FHIP1A: variants seen among roughly 807,000 people sequenced by gnomAD.
FHIP1A encodes FHF complex subunit HOOK-interacting protein 1A.
FHIP1A carries 61 observed loss-of-function variants against 88.6 expected under a neutral mutation model. The ratio of observed to expected loss-of-function variants is 0.69; its 90% CI spans 0.56 to 0.85. The LOEUF (loss-of-function observed/expected upper bound fraction) is 0.85, where lower values mean the gene tolerates loss of function less well. FHIP1A is among the 40% of genes least tolerant of loss of function. The pLI is 0.00. For synonymous variants in FHIP1A, 478 were observed against 496.0 expected (o/e 0.96, Z 0.48); for missense variants, 1,154 against 1,273.5 (o/e 0.91, Z 1.43).
intron 3 of FHIP1A, among the ~76,000 whole-genome samples, chr4:151,499,682 G>A (rs1047041995): frequency 4.6e-5 from 7 of 152,300 alleles, no homozygotes; most frequent in African/African-American, 1.4e-4. Context: ...AGAGTTCAGC[G>A]TGGCTGGGGA....
At chr4:151,410,005 A>G (rs1201343956) in intron 1 of FHIP1A, among the ~76,000 whole-genome samples, 1 of 152,162 alleles carries the variant, frequency 6.6e-6, no homozygotes, top group African/African-American at 2.4e-5. Context: ...AGTCGTGGTT[A>G]TTATTGATAG....
chr4:151,647,109 A>AG (rs1736827634), intron 10 of FHIP1A, among the ~76,000 whole-genome samples: 2 of 152,198 alleles, frequency 1.3e-5, no homozygotes, highest in Non-Finnish European at 2.9e-5. Context: ...TAATTTCTAA[A>AG]ATGAGCCACT....
chr4:151,525,293 C>T (rs893435461), intron 3 of FHIP1A, among the ~76,000 whole-genome samples: 2 of 152,220 alleles, frequency 1.3e-5, no homozygotes, highest in Non-Finnish European at 2.9e-5. Context: ...CATGGCTAAA[C>T]CAGGCTGCAC....
chr4:151,474,672 C>A (rs541463049), intron 2 of FHIP1A, among the ~76,000 whole-genome samples: 1 of 152,322 alleles, frequency 6.6e-6, no homozygotes, highest in Admixed American at 6.5e-5. Flanking sequence ...ATGGTACTTT[C>A]AGTATGTGTG....
Position 151,647,981 on chromosome 4 carries a change from C to A in FHIP1A, c.1417+1233C>A, listed in dbSNP as rs374202065. The stretch of plus-strand genomic sequence containing the variant: ...AATTGTCTTGTTCATGGTTATACAG[C>A]TAAGTAGGTTCTCTGGTTTCAGATG... On this transcript the variant is annotated intron_variant, in intron 10 of 13. Transcript: ENST00000435205. Among the ~76,000 whole-genome samples the A allele has an allele frequency of 3.3e-5, 5 of 152,318 alleles. No homozygotes were observed. In the South Asian group the frequency reaches 1.0e-3, roughly 32 times the overall value.
intron 8 of FHIP1A, among the ~76,000 whole-genome samples, chr4:151,636,000 C>T (rs1736338899): frequency 1.3e-5 from 2 of 151,744 alleles, no homozygotes; most frequent in South Asian, 2.1e-4. Context: ...ATTCTGATTC[C>T]AAAACTAAAC....
intron 9 of FHIP1A, among the ~76,000 whole-genome samples, chr4:151,644,211 T>A (rs1012455052): frequency 9.9e-5 from 15 of 152,188 alleles, no homozygotes. Context: ...TTCACATCAA[T>A]GGCTACAGGA....
At chr4:151,446,157 A>G (rs1301001202) in intron 1 of FHIP1A, among the ~76,000 whole-genome samples, 1 of 152,068 alleles carries the variant, frequency 6.6e-6, no homozygotes, top group Non-Finnish European at 1.5e-5. Flanking sequence ...CTTGGACAAC[A>G]CATGGTATGA....
At chr4:151,570,880 T>A (rs1318361278) in intron 4 of FHIP1A, among the ~76,000 whole-genome samples, 1 of 152,252 alleles carries the variant, frequency 6.6e-6, no homozygotes, top group Non-Finnish European at 1.5e-5. Context: ...TCTTTGGACT[T>A]GGCATTAAAT....
intron 1 of FHIP1A, among the ~76,000 whole-genome samples, chr4:151,443,187 A>G (rs919441760): frequency 1.3e-5 from 2 of 152,160 alleles, no homozygotes; most frequent in African/African-American, 4.8e-5. Flanking sequence ...AGTCCCAGCT[A>G]TGCAGGAGGC....
intron 7 of FHIP1A, among the ~76,000 whole-genome samples, chr4:151,592,836 C>T (rs1386918039): frequency 1.3e-5 from 2 of 152,116 alleles, no homozygotes; most frequent in Non-Finnish European, 2.9e-5. Context: ...GAGTCTTTGC[C>T]CATGCCTGTG....
rs914080029 is a variant in FHIP1A, at chr4:151,664,292, CG to C, written c.*1540del. Among the ~76,000 whole-genome samples the C allele has an allele frequency of 2.0e-5, 3 of 152,062 alleles. No homozygotes were observed. The highest frequency in any genetic ancestry group is 4.4e-5 in the Non-Finnish European group (3 of 68,022). ...CTTTCATGCACAGGCAGGGCAGTGGCGGAAGAACCACACCTGCAATGCTGTG... is the reference window on the plus strand; with the variant it reads ...CTTTCATGCACAGGCAGGGCAGTGGCGAAGAACCACACCTGCAATGCTGTG... On this transcript the variant is annotated 3_prime_UTR_variant, in exon 14 of 14. Coordinates refer to ENST00000435205, the MANE Select transcript of FHIP1A (RefSeq NM_001109977.3).
chr4:151,655,146 C>T (rs142285443), intron 11 of FHIP1A, among the ~76,000 whole-genome samples: 312 of 152,320 alleles, frequency 2.0e-3, no homozygotes, highest in Non-Finnish European at 3.1e-3. Flanking sequence ...GTGACATCTT[C>T]ATAAGGCATG....
intron 3 of FHIP1A, among the ~76,000 whole-genome samples, chr4:151,552,644 G>A (rs1404185538): frequency 2.0e-5 from 3 of 152,018 alleles, no homozygotes; most frequent in Non-Finnish European, 2.9e-5. Context: ...TTGGACACAG[G>A]GTGGGGAACA....
rs191942417 is a variant in FHIP1A at position 151,451,877 on chromosome 4, A to T, written c.-355-2824A>T. 4.4e-4 allele frequency among the ~76,000 whole-genome samples: 65 copies of T among 146,940 alleles called. No individual in the cohort carries two copies. The East Asian group carries it at 0.012, about 27-fold the overall frequency. On this transcript the variant is annotated intron_variant, in intron 1 of 13. Coordinates refer to ENST00000435205, the MANE Select transcript of FHIP1A (RefSeq NM_001109977.3). ...TATCTGTTGCCCAGGCTGAAGTGCC[A>T]TGGCACTCTCACGGCTCATTACAGC...
rs572017665 is a variant in FHIP1A at position 151,663,858 on chromosome 4, C to T, written c.*1104C>T. 2.0e-5 allele frequency among the ~76,000 whole-genome samples: 3 copies of T among 152,234 alleles called. No individual in the cohort carries two copies. The highest frequency in any genetic ancestry group is 3.9e-4 in the East Asian group (2 of 5,182). On this transcript the variant is annotated 3_prime_UTR_variant, in exon 14 of 14. Coordinates refer to ENST00000435205, the MANE Select transcript of FHIP1A (RefSeq NM_001109977.3). The stretch of plus-strand genomic sequence containing the variant: ...CCCTGCAAAGCCAAGTGCCTGCTGG[C>T]GACTCACTCTGCATGGAAATGCTGC...
At chr4:151,613,644 G>A (rs1359952537) in intron 7 of FHIP1A, among the ~76,000 whole-genome samples, 2 of 152,228 alleles carry the variant, frequency 1.3e-5, no homozygotes, top group Admixed American at 1.3e-4. Flanking sequence ...CTTAGCACCT[G>A]TGTAGTGTAG....
At chr4:151,557,844 T>C (rs1733011520) in intron 3 of FHIP1A, among the ~76,000 whole-genome samples, 1 of 152,230 alleles carries the variant, frequency 6.6e-6, no homozygotes, top group Non-Finnish European at 1.5e-5. Flanking sequence ...CACGAGGCTT[T>C]TTCTATTGTA....
chr4:151,447,977 C>T (rs560347193), intron 1 of FHIP1A, among the ~76,000 whole-genome samples: 3 of 152,300 alleles, frequency 2.0e-5, no homozygotes, highest in African/African-American at 7.2e-5. Context: ...GGCACAATCT[C>T]AGCTCACTGC....
Sources: gnomAD v4.1 joint callset for allele counts (sites outside exome capture counted in the v4.1 genomes callset) on GRCh38, gnomAD v4.1.1 for gene constraint, MANE v1.5 for transcripts, NCBI Gene and HGNC (gene_info 2026-07-23, HGNC 2026-07-21) for gene names.